The following PTPRG variants were observed in gnomAD, a reference collection of about 807,000 sequenced individuals.
The protein encoded by PTPRG is receptor-type tyrosine-protein phosphatase gamma.
A neutral mutation model predicts 165.3 loss-of-function variants in PTPRG; 102 were observed. The ratio of observed to expected loss-of-function variants is 0.62; its 90% CI spans 0.53 to 0.73. The LOEUF is 0.73. Among genes scored for constraint, PTPRG ranks in the 30% least tolerant of loss-of-function variants. The pLI is 0.00. For synonymous variants in PTPRG, 675 were observed against 669.5 expected, an observed-to-expected ratio of 1.01 and a Z score of -0.13; for missense variants, 1,866 against 1,861.4, an observed-to-expected ratio of 1.00 and a Z score of -0.05.
At chr3:61,586,273 T>A (rs1426754546) in intron 1 of PTPRG, among the ~76,000 whole-genome samples, 1 of 151,332 alleles carries the variant, frequency 6.6e-6, no homozygotes, top group Non-Finnish European at 1.5e-5. Context: ...AAAAAGGTGG[T>A]TGTCTTGGCA....
intron 1 of PTPRG, among the ~76,000 whole-genome samples, chr3:61,663,121 A>G (rs1702712576): frequency 6.6e-6 from 1 of 152,194 alleles, no homozygotes. Flanking sequence ...GTCTCTACCA[A>G]AAATACAAGA....
chr3:62,208,013 C>T (rs1700271035), intron 12 of PTPRG, among the ~76,000 whole-genome samples: 1 of 152,204 alleles, frequency 6.6e-6, no homozygotes, highest in African/African-American at 2.4e-5. Context: ...TTTAAGTAAG[C>T]TCAAATTTTT....
At chr3:61,856,804 A>C (rs1335544035) in intron 2 of PTPRG, among the ~76,000 whole-genome samples, 2 of 152,188 alleles carry the variant, frequency 1.3e-5, no homozygotes, top group Admixed American at 1.3e-4. Context: ...ATTAGTAATT[A>C]ATGCTTAGAA....
At chr3:61,799,729 C>G (rs1015318677) in intron 2 of PTPRG, among the ~76,000 whole-genome samples, 1 of 152,142 alleles carries the variant, frequency 6.6e-6, no homozygotes, top group Admixed American at 6.6e-5. Context: ...TTAGATTTCT[C>G]CACTGTAAGT....
At position 61,763,322 on chromosome 3, in the gene PTPRG, C is replaced by T. The variant is rs569913702; in HGVS notation, c.190+14340C>T. 4.6e-3 allele frequency among the ~76,000 whole-genome samples: 702 copies of T among 152,110 alleles called. 2 individuals carry two copies. The highest frequency in any genetic ancestry group is 7.8e-3 in the Non-Finnish European group (527 of 67,962). ...GCATGATCTTGGCTCACTGCAACCT[C>T]CACCTCCTGGGTTCAAGTGTCTCTC... On this transcript the variant is annotated intron_variant, in intron 2 of 29. Transcript: ENST00000474889.
In PTPRG at chr3:62,182,873, T is replaced by G. The variant is rs553464114; in HGVS notation, c.1034-8596T>G. ...GGTTTCACCATGTTGGCCAGGATGGTCTCGATCTCTTGACCTCGTGATCCA... is the reference window on the plus strand; with the variant it reads ...GGTTTCACCATGTTGGCCAGGATGGGCTCGATCTCTTGACCTCGTGATCCA... On this transcript the variant is annotated intron_variant, in intron 8 of 29. Transcript: ENST00000474889. 1.1e-3 allele frequency among the ~76,000 whole-genome samples: 169 copies of G among 152,254 alleles called. 1 individual carries two copies. Among genetic ancestry groups the G allele is most frequent in the Middle Eastern group, 0.01 (3 of 294 alleles).
Position 62,077,578 on chromosome 3 carries a change from A to G in PTPRG, c.520-585A>G, listed in dbSNP as rs370180111. Among the ~76,000 whole-genome samples, 8 of 152,330 alleles carry G rather than the reference A, an allele frequency of 5.3e-5. No individual in the cohort carries two copies. In the East Asian group the frequency reaches 1.2e-3, roughly 22 times the overall value. The stretch of plus-strand genomic sequence containing the variant: ...AGGGAAATTTCACCATGACCTGGCT[A>G]TTAGAGGACTAGAAGGCATTGGTTT... On this transcript the variant is annotated intron_variant, in intron 4 of 29. Transcript: ENST00000474889.
chr3:62,060,714 A>C (rs1425902218), intron 4 of PTPRG, among the ~76,000 whole-genome samples: 1 of 152,200 alleles, frequency 6.6e-6, no homozygotes, highest in African/African-American at 2.4e-5. Flanking sequence ...ATCTTTAAAC[A>C]ATACTGAAGG....
At chr3:62,206,560 G>T (rs1471593833) in intron 12 of PTPRG, among the ~76,000 whole-genome samples, 1 of 152,110 alleles carries the variant, frequency 6.6e-6, no homozygotes, top group African/African-American at 2.4e-5. Flanking sequence ...TGACTGTGAG[G>T]AGGCCCCCCA....
At chr3:62,215,546 ACC>A (rs35317755) in intron 12 of PTPRG, among the ~76,000 whole-genome samples, 8 of 63,734 alleles carry the variant, frequency 1.3e-4, no homozygotes, top group Admixed American at 1.8e-4. Context: ...CCCTACGGGA[ACC>A]CCCCCCCCCC....
intron 1 of PTPRG, among the ~76,000 whole-genome samples, chr3:61,602,416 G>C (rs949581465): frequency 6.6e-6 from 1 of 152,072 alleles, no homozygotes; most frequent in Non-Finnish European, 1.5e-5. Context: ...CCAGTCAAGT[G>C]TCCAGCTACC....
At chr3:62,014,701 C>A (rs1020493427) in intron 4 of PTPRG, among the ~76,000 whole-genome samples, 2 of 152,156 alleles carry the variant, frequency 1.3e-5, no homozygotes, top group African/African-American at 4.8e-5. Flanking sequence ...TCTGTGTTTG[C>A]TTCTTTGAAT....
At position 62,275,108 on chromosome 3, in the gene PTPRG, G is replaced by A. The variant is rs571694899; in HGVS notation, c.3466-765G>A. On this transcript the variant is annotated intron_variant, in intron 23 of 29. Coordinates refer to ENST00000474889, the MANE Select transcript of PTPRG (RefSeq NM_002841.4). ...CTGATCTCATATACTCCATTAGGAT[G>A]GATGCCAGCCCCCAAAAAATAGGAT... Among the ~76,000 whole-genome samples, 6 of 152,218 alleles carry A rather than the reference G, an allele frequency of 3.9e-5. No homozygotes were observed. The South Asian group carries it at 8.3e-4, about 21-fold the overall frequency.
chr3:61,687,751 T>G (rs1213794249), intron 1 of PTPRG, among the ~76,000 whole-genome samples: 6 of 152,244 alleles, frequency 3.9e-5, no homozygotes, highest in Non-Finnish European at 8.8e-5. Context: ...CTTAAACATT[T>G]GTGGGGGTGG....
intron 1 of PTPRG, among the ~76,000 whole-genome samples, chr3:61,600,365 C>T (rs185563150): frequency 3.3e-5 from 5 of 152,014 alleles, no homozygotes; most frequent in African/African-American, 9.7e-5. Context: ...CAGTGGGCAG[C>T]CAATGTTGAC....
intron 5 of PTPRG, among the ~76,000 whole-genome samples, chr3:62,129,944 T>C (rs1351570507): frequency 6.6e-6 from 1 of 152,216 alleles, no homozygotes; most frequent in African/African-American, 2.4e-5. Flanking sequence ...GTAAGCCAGA[T>C]ATATTGTTTC....
At chr3:62,078,140 C>G in intron 4 of PTPRG, 23 bp from the exon 5 acceptor site, 1 of 1,497,916 alleles carries the variant, frequency 6.7e-7, no homozygotes, top group Non-Finnish European at 9.2e-7. Flanking sequence ...TTTCCTAATA[C>G]ATTTTTTTAA....
In PTPRG at chr3:62,271,378, C is replaced by G. The variant is rs775740716; in HGVS notation, c.3010-5C>G. On this transcript the variant is annotated splice_polypyrimidine_tract_variant and splice_region_variant and intron_variant, in intron 20 of 29. Coordinates refer to ENST00000474889, the MANE Select transcript of PTPRG (RefSeq NM_002841.4). This position sits in a 1 kb window ranked among gnomAD's most constrained non-coding sequence, Gnocchi z 4.1. ...TAAAGACATCTTTTTTCACTTTTCTCACAGGGTCAGAAGGGAAATCCCAAG... is the reference window on the plus strand; with the variant it reads ...TAAAGACATCTTTTTTCACTTTTCTGACAGGGTCAGAAGGGAAATCCCAAG... 6 of 1,585,260 alleles carry G rather than the reference C, an allele frequency of 3.8e-6. No homozygotes were observed. The highest frequency in any genetic ancestry group is 5.1e-6 in the Non-Finnish European group (6 of 1,168,024).
chr3:62,039,342 T>C (rs1700055000), intron 4 of PTPRG, among the ~76,000 whole-genome samples: 1 of 152,118 alleles, frequency 6.6e-6, no homozygotes, highest in Non-Finnish European at 1.5e-5. Flanking sequence ...TAAAAAAAAT[T>C]TTTTTAAGCT....
Sources: gnomAD v4.1 joint callset for allele counts (sites outside exome capture counted in the v4.1 genomes callset) on GRCh38, gnomAD v4.1.1 for gene constraint, Gnocchi (gnomAD v3.1) non-coding constraint, MANE v1.5 for transcripts, NCBI Gene and HGNC (gene_info 2026-07-23, HGNC 2026-07-21) for gene names.